Variants in CHAT observed in about 807,000 individuals in gnomAD.
CHAT encodes the protein choline O-acetyltransferase.
A neutral mutation model predicts 76.9 loss-of-function variants in CHAT; 61 were observed. That is an observed-to-expected ratio of 0.79 (90% CI 0.65 to 0.98). CHAT has a LOEUF of 0.98. Among genes scored for constraint, CHAT ranks in the 50% least tolerant of loss-of-function variants. The pLI is 0.00. For synonymous variants in CHAT, 407 were observed against 397.4 expected (o/e 1.02, Z -0.29); for missense variants, 946 against 986.9 (o/e 0.96, Z 0.56).
At chr10:49,623,283 C>CTT (rs10693859) in intron 5 of CHAT, among the ~76,000 whole-genome samples, 13,086 of 152,114 alleles carry the variant, frequency 0.086, 1,863 homozygotes, top group African/African-American at 0.3. Context: ...CCCCACGAGA[C>CTT]CACTTTCCTT....
intron 6 of CHAT, among the ~76,000 whole-genome samples, chr10:49,626,858 A>G (rs1311472253): frequency 6.6e-6 from 1 of 152,242 alleles, no homozygotes; most frequent in African/African-American, 2.4e-5. Flanking sequence ...TGACAAAACC[A>G]CAGGGCTGAC....
chr10:49,616,094 T>C, intron 1 of CHAT: 3 of 1,612,812 alleles, frequency 1.9e-6, no homozygotes, highest in Non-Finnish European at 8.5e-7. Context: ...GCACAGTAGG[T>C]ATGGTCTTAC....
At chr10:49,627,810 T>A (rs761219277) in intron 7 of CHAT, 25 bp downstream of exon 7, 1 of 1,609,366 alleles carries the variant, frequency 6.2e-7, no homozygotes, top group South Asian at 1.1e-5. Flanking sequence ...CCAGCACATC[T>A]CCATGCCCAT....
chr10:49,662,321 T>C (rs535822795), intron 13 of CHAT, among the ~76,000 whole-genome samples: 1 of 152,336 alleles, frequency 6.6e-6, no homozygotes, highest in East Asian at 1.9e-4. Flanking sequence ...CCCCATTCTT[T>C]CCACTTAGAG....
At chr10:49,650,619 C>T (rs777587463) in intron 10 of CHAT, among the ~76,000 whole-genome samples, 17 of 152,266 alleles carry the variant, frequency 1.1e-4, no homozygotes, top group Middle Eastern at 3.4e-3. Flanking sequence ...AGTTGGGCCA[C>T]ACTGTGATGA....
chr10:49,655,416 G>A lies in CHAT; in HGVS notation c.1807G>A (p.Ala603Thr), dbSNP rs1407325658. ...ASEKLLLLKD[A>T]IRAQTAYTVM... ...TGAGAAGCTTCTGCTCCTGAAGGAT[G>A]CCATCCGTGCCCAGACTGCATACAC... The change falls in exon 13 of 15, where the codon GCC (alanine) becomes ACC (threonine). Residue 603 changes from alanine to threonine, a missense_variant. By Grantham distance (58) the Ala-to-Thr change is moderately conservative. This residue lies in a region of CHAT where 349 missense variants were observed against 393.9 expected (regional missense o/e 0.89). Transcript: ENST00000337653. 2 of 1,613,976 alleles carry A rather than the reference G, an allele frequency of 1.2e-6. No homozygotes were observed. The highest frequency in any genetic ancestry group is 1.7e-6 in the Non-Finnish European group (2 of 1,180,042).
chr10:49,610,507 A>G (rs2132684772), upstream of CHAT: 1 of 436,622 alleles, frequency 2.3e-6, no homozygotes, highest in Non-Finnish European at 3.9e-6. Flanking sequence ...GCCGCCCCTG[A>G]GCCCAGCAGC....
chr10:49,620,365 C>A, intron 3 of CHAT, 130 bp from the exon 4 acceptor site: 1 of 769,684 alleles, frequency 1.3e-6, no homozygotes, highest in Non-Finnish European at 2.3e-6. Context: ...CTGGCACATA[C>A]CTGGGGCTTA....
intron 7 of CHAT, among the ~76,000 whole-genome samples, chr10:49,643,203 G>C (rs964781221): frequency 6.6e-6 from 1 of 152,224 alleles, no homozygotes; most frequent in African/African-American, 2.4e-5. Flanking sequence ...TTGGCACATA[G>C]TAGGTGCTCA....
chr10:49,630,354 G>A (rs929267148), intron 7 of CHAT, among the ~76,000 whole-genome samples: 2 of 146,684 alleles, frequency 1.4e-5, no homozygotes, highest in South Asian at 2.1e-4. Context: ...CAGAGGGAAC[G>A]GCCAGCCACA....
At chr10:49,612,727 G>A (rs529602510), upstream of CHAT, 3 of 212,946 alleles carry the variant, frequency 1.4e-5, no homozygotes, top group South Asian at 1.6e-4. Context: ...AGGAGGCCGA[G>A]TCTCTTTACT....
intron 7 of CHAT, among the ~76,000 whole-genome samples, chr10:49,628,207 C>A (rs1838994172): frequency 6.6e-6 from 1 of 152,092 alleles, no homozygotes; most frequent in Admixed American, 6.5e-5. Context: ...CCTGATCTCT[C>A]CATCCTGGGA....
In CHAT at chr10:49,627,804, C is replaced by G; in HGVS notation, c.1111+19C>G. On this transcript the variant is annotated intron_variant, in intron 7 of 14. Transcript: ENST00000337653. ...GTGAAAGGTCAGCCGCAGTGCCCAG[C>G]ACATCTCCATGCCCATCTCATGCTC... 6.2e-7 allele frequency: 1 copy of G among 1,611,146 alleles called. No individual in the cohort carries two copies. The highest frequency in any genetic ancestry group is 8.5e-7 in the Non-Finnish European group (1 of 1,179,490).
At chr10:49,616,213 G>A in intron 1 of CHAT, 2 of 1,043,356 alleles carry the variant, frequency 1.9e-6, no homozygotes, top group South Asian at 2.5e-5. Flanking sequence ...GGTGGATTTG[G>A]ATTGCCCCAG....
chr10:49,650,379 A>G (rs1307791511), intron 10 of CHAT, among the ~76,000 whole-genome samples: 1 of 152,192 alleles, frequency 6.6e-6, no homozygotes, highest in East Asian at 1.9e-4. Flanking sequence ...AAAAGCAGAA[A>G]CAGCCATGCT....
chr10:49,638,312 A>G (rs1839361788), intron 7 of CHAT, among the ~76,000 whole-genome samples: 1 of 152,170 alleles, frequency 6.6e-6, no homozygotes, highest in Non-Finnish European at 1.5e-5. Flanking sequence ...TTTTACTTAT[A>G]ACCAAACTAT....
upstream of CHAT, chr10:49,610,583 G>A (rs1447478204): frequency 7.9e-6 from 5 of 631,216 alleles, no homozygotes; most frequent in Non-Finnish European, 1.2e-5. Context: ...TTCCTTTCCC[G>A]GGACGCTGGG....
intron 4 of CHAT, 86 bp from the exon 5 acceptor site, chr10:49,622,011 A>T: frequency 6.8e-7 from 1 of 1,468,780 alleles, no homozygotes; most frequent in South Asian, 1.1e-5. Context: ...AGGAAGAGGG[A>T]AGGAGGGAGG....
chr10:49,624,975 A>G (rs2132726458), intron 5 of CHAT, among the ~76,000 whole-genome samples: 1 of 151,892 alleles, frequency 6.6e-6, no homozygotes, highest in South Asian at 2.1e-4. Context: ...TGGATGATGG[A>G]TAGATGGATG....
Sources: allele counts gnomAD v4.1 joint callset (sites outside exome capture counted in the v4.1 genomes callset), GRCh38; gene constraint gnomAD v4.1.1; regional missense constraint gnomAD v4.1.1; transcripts MANE v1.5; gene names NCBI Gene and HGNC (gene_info 2026-07-23, HGNC 2026-07-21).